Variants in BEAN1 observed in about 807,000 individuals in gnomAD.
BEAN1 encodes the protein protein BEAN1.
Under a neutral mutation model 17.7 loss-of-function variants are expected in BEAN1, and 17 were observed. The observed-to-expected ratio is 0.96, with a 90% confidence interval of 0.66 to 1.44. The LOEUF (loss-of-function observed/expected upper bound fraction) is 1.44, where lower values mean the gene tolerates loss of function less well. Among genes scored for constraint, BEAN1 ranks in the 40% most tolerant of loss-of-function variants. The pLI is 0.00. For synonymous variants in BEAN1, 142 were observed against 151.8 expected (o/e 0.94, Z 0.47); for missense variants, 359 against 374.1 (o/e 0.96, Z 0.33).
chr16:66,440,115 G>A (rs1962192429), intron 2 of BEAN1, among the ~76,000 whole-genome samples: 1 of 145,904 alleles, frequency 6.9e-6, no homozygotes, highest in African/African-American at 2.5e-5. Flanking sequence ...TCACCCTGTT[G>A]GGTACTTCTT....
chr16:66,491,844 G>T (rs549406931), intron 4 of BEAN1, among the ~76,000 whole-genome samples: 3 of 152,126 alleles, frequency 2.0e-5, no homozygotes, highest in South Asian at 2.1e-4. Flanking sequence ...TTGTTTGCCC[G>T]CCACTCACCT....
chr16:66,439,505 C>A (rs1255012546), intron 2 of BEAN1, among the ~76,000 whole-genome samples: 3 of 152,176 alleles, frequency 2.0e-5, no homozygotes, highest in Admixed American at 2.0e-4. Flanking sequence ...CTTTCCAGAA[C>A]CTTTTGGGCT....
downstream of BEAN1, chr16:66,482,947 C>A (rs769697767): frequency 2.2e-6 from 1 of 455,396 alleles, no homozygotes; most frequent in South Asian, 1.6e-5. Context: ...GCCTTGAACT[C>A]CTGGGCTCAA....
intron 2 of BEAN1, among the ~76,000 whole-genome samples, chr16:66,453,212 C>A (rs527272718): frequency 2.6e-5 from 4 of 151,944 alleles, no homozygotes; most frequent in African/African-American, 9.7e-5. Context: ...GTTTTCAAGT[C>A]GAGGCCTTTC....
chr16:66,459,181 A>G lies in BEAN1; in HGVS notation c.26-10421A>G, dbSNP rs150209646. 5.3e-5 allele frequency among the ~76,000 whole-genome samples: 8 copies of G among 152,298 alleles called. No individual in the cohort carries two copies. The East Asian group carries it at 1.5e-3, about 29-fold the overall frequency. The stretch of plus-strand genomic sequence containing the variant: ...GTTCCAAGCTCATGGGGACCCTTGC[A>G]GCAGCCTCCTCCCTGGTCTCCTGCC... On this transcript the variant is annotated intron_variant, in intron 2 of 4. Coordinates refer to ENST00000536005, the MANE Select transcript of BEAN1 (RefSeq NM_001178020.3).
chr16:66,479,768 G>A (rs1283752195), intron 4 of BEAN1, among the ~76,000 whole-genome samples: 1 of 152,140 alleles, frequency 6.6e-6, no homozygotes, highest in Non-Finnish European at 1.5e-5. Flanking sequence ...GAGGACCCCA[G>A]AGACAGTGGC....
chr16:66,485,413 T>C (rs1261141844), downstream of BEAN1: 1 of 335,296 alleles, frequency 3.0e-6, no homozygotes, highest in Non-Finnish European at 5.9e-6. Flanking sequence ...CCCACCTGCA[T>C]GTCCAGGCTC....
At chr16:66,469,035 A>C (rs1963363630) in intron 2 of BEAN1, among the ~76,000 whole-genome samples, 1 of 151,322 alleles carries the variant, frequency 6.6e-6, no homozygotes. Flanking sequence ...ACTCATCCTC[A>C]CCCTCCAAGA....
intron 2 of BEAN1, among the ~76,000 whole-genome samples, chr16:66,461,871 G>A (rs1163036505): frequency 6.6e-6 from 1 of 152,204 alleles, no homozygotes; most frequent in African/African-American, 2.4e-5. Flanking sequence ...CTCTGAAGGT[G>A]AGAGGACGCA....
Position 66,469,754 on chromosome 16 carries a change from C to A in BEAN1, c.178C>A (p.Arg60Ser), listed in dbSNP as rs554992323. 5 of 1,536,236 alleles carry A rather than the reference C, an allele frequency of 3.3e-6. No individual in the cohort carries two copies. Among genetic ancestry groups the A allele is most frequent in the Non-Finnish European group, 4.4e-6 (5 of 1,146,932 alleles). The change falls in exon 3 of 5, where the codon CGC becomes AGC. Residue 60 changes from arginine (R) to serine (S), a missense_variant. By Grantham distance (110) the Arg-to-Ser change is moderately radical. Transcript: ENST00000536005. ...SCITIIVGSI[R>S]RDRQARLQRH... ...CATCACCATCATTGTGGGCAGCATC[C>A]GCAGGGACAGGCAGGCCCGGCTTCA...
At chr16:66,462,952 A>G (rs188013249) in intron 2 of BEAN1, among the ~76,000 whole-genome samples, 5 of 152,342 alleles carry the variant, frequency 3.3e-5, no homozygotes, top group East Asian at 1.9e-4. Context: ...CTGCTGTTCA[A>G]AGAAAACACA....
chr16:66,429,793 C>A (rs953155027), intron 1 of BEAN1, among the ~76,000 whole-genome samples: 10 of 152,176 alleles, frequency 6.6e-5, no homozygotes, highest in Non-Finnish European at 1.2e-4. Context: ...AGGAGTTAAT[C>A]AGGAACTAAT....
At chr16:66,432,356 C>T (rs1961838989) in intron 1 of BEAN1, among the ~76,000 whole-genome samples, 1 of 152,192 alleles carries the variant, frequency 6.6e-6, no homozygotes, top group Non-Finnish European at 1.5e-5. Context: ...CTTCCTGGGA[C>T]AGGAGAAAGG....
At chr16:66,493,290 G>C (rs146861397) in exon 5 of BEAN1, 1 of 702,302 alleles carries the variant, frequency 1.4e-6, no homozygotes. Flanking sequence ...CCAGGTTCCG[G>C]GGGACCACAG....
rs67504868 is a variant in BEAN1 at position 66,473,173 on chromosome 16, T to C, written c.289+3308T>C. Among the ~76,000 whole-genome samples, 41,604 of 152,026 alleles carry C rather than the reference T, an allele frequency of 0.27. 7,204 individuals carry two copies. The highest frequency in any genetic ancestry group is 0.47 in the African/African-American group (19,678 of 41,440). On this transcript the variant is annotated intron_variant, in intron 3 of 4. Transcript: ENST00000536005. The surrounding 1 kb of genome is among the most constrained non-coding windows in gnomAD (Gnocchi z 4.5). ...CTTGGCGCAGAGGAAAGAGATGGGC[T>C]TAGGGGCAGGCCAGCCCCTCTGTAG...
chr16:66,467,869 AGCATGGGCCACACCT>A (rs1963311811), intron 2 of BEAN1, among the ~76,000 whole-genome samples: 1 of 152,262 alleles, frequency 6.6e-6, no homozygotes, highest in African/African-American at 2.4e-5. Flanking sequence ...AAGAGCCACC[AGCATGGGCCACACCT>A]GCCCCAAGGG....
intron 2 of BEAN1, among the ~76,000 whole-genome samples, chr16:66,461,878 C>T (rs937867137): frequency 1.3e-5 from 2 of 152,120 alleles, no homozygotes; most frequent in Non-Finnish European, 2.9e-5. Context: ...GGTGAGAGGA[C>T]GCATGACAGA....
At chr16:66,437,217 C>T (rs1265600800) in intron 1 of BEAN1, among the ~76,000 whole-genome samples, 1 of 152,122 alleles carries the variant, frequency 6.6e-6, no homozygotes, top group African/African-American at 2.4e-5. Context: ...TCAGTGTTCC[C>T]AGCCCTGATA....
In BEAN1 at chr16:66,477,545, G is replaced by A. The variant is rs1294602222; in HGVS notation, c.290-15G>A. On this transcript the variant is annotated splice_polypyrimidine_tract_variant and intron_variant, in intron 3 of 4. Coordinates refer to ENST00000536005, the MANE Select transcript of BEAN1 (RefSeq NM_001178020.3). The stretch of plus-strand genomic sequence containing the variant: ...TCCTGGTCTGAGGCCCAGGCCGGTG[G>A]TCTGTTCCCTGCAGTGTCGGACGAG... 7 of 1,531,386 alleles carry A rather than the reference G, an allele frequency of 4.6e-6. No homozygotes were observed. The Admixed American group carries it at 8.1e-5, about 18-fold the overall frequency. 94.9% of individuals were successfully genotyped at this position (1,531,386 alleles called of 1,614,324 possible). A position where few individuals can be genotyped will look rare whatever the true frequency, so the allele number is the denominator to read the frequency against.
Sources: gnomAD v4.1 joint callset for allele counts (sites outside exome capture counted in the v4.1 genomes callset) on GRCh38, gnomAD v4.1.1 for gene constraint, Gnocchi (gnomAD v3.1) non-coding constraint, MANE v1.5 for transcripts, NCBI Gene and HGNC (gene_info 2026-07-23, HGNC 2026-07-21) for gene names.